The following S100PBP variants were observed in gnomAD, a reference collection of about 807,000 sequenced individuals.
S100PBP encodes the protein S100P binding protein.
S100PBP carries 15 observed loss-of-function variants against 39.9 expected under a neutral mutation model. The observed-to-expected ratio is 0.38, with a 90% confidence interval of 0.25 to 0.58. S100PBP has a LOEUF of 0.58. S100PBP is among the 20% of genes least tolerant of loss of function. S100PBP has a pLI of 0.70. For missense variants in S100PBP, 504 were observed against 487.3 expected, an observed-to-expected ratio of 1.03 and a Z score of -0.32; for synonymous variants, 178 against 180.3, an observed-to-expected ratio of 0.99 and a Z score of 0.10.
chr1:32,817,387 G>T, upstream of S100PBP: 1 of 1,029,790 alleles, frequency 9.7e-7, no homozygotes, highest in Non-Finnish European at 1.5e-6. Flanking sequence ...ACTCGGCCTG[G>T]ACCCCTCCGG....
At chr1:32,832,988 T>A (rs1185261656) in intron 5 of S100PBP, among the ~76,000 whole-genome samples, 1 of 152,044 alleles carries the variant, frequency 6.6e-6, no homozygotes, top group Non-Finnish European at 1.5e-5. Flanking sequence ...CCCATGGGTT[T>A]TTTTTTTATA....
upstream of S100PBP, chr1:32,817,317 T>G: frequency 2.5e-6 from 4 of 1,586,808 alleles, no homozygotes; most frequent in Admixed American, 3.3e-5. Flanking sequence ...CGCCGCCGCG[T>G]GCCGGGAACT....
intron 5 of S100PBP, among the ~76,000 whole-genome samples, chr1:32,843,538 C>T (rs1039949355): frequency 1.3e-5 from 2 of 151,808 alleles, no homozygotes; most frequent in African/African-American, 2.4e-5. Context: ...CTCACGAAAA[C>T]CTCCGCCTTC....
chr1:32,858,482 T>C lies in S100PBP; in HGVS notation c.*2444T>C, dbSNP rs1316999580. The C allele has an allele frequency of 1.3e-5, 2 of 152,598 alleles. No individual in the cohort carries two copies. The highest frequency in any genetic ancestry group is 2.9e-5 in the Non-Finnish European group (2 of 68,024). 9.5% of individuals were successfully genotyped at this position (152,598 alleles called of 1,614,324 possible). ...TTATCTGGCATGTTCGCCTTAAAGATGGTACTGGGTAGAATCTGGAGTTTT... is the reference window on the plus strand; with the variant it reads ...TTATCTGGCATGTTCGCCTTAAAGACGGTACTGGGTAGAATCTGGAGTTTT... On this transcript the variant is annotated 3_prime_UTR_variant, in exon 7 of 7. Transcript: ENST00000373475.
rs1640825192 is a variant in S100PBP at position 32,856,535 on chromosome 1, G to A, written c.*497G>A. On this transcript the variant is annotated 3_prime_UTR_variant, in exon 7 of 7. Coordinates refer to ENST00000373475, the MANE Select transcript of S100PBP (RefSeq NM_022753.4). ...TCTTACTTTTTTATTTGAATCCTCTGAATACCTGTCAGTATTTTAAAGTTG... is the reference window on the plus strand; with the variant it reads ...TCTTACTTTTTTATTTGAATCCTCTAAATACCTGTCAGTATTTTAAAGTTG... The A allele has an allele frequency of 6.5e-6, 1 of 152,988 alleles. No homozygotes were observed. The highest frequency in any genetic ancestry group is 2.4e-5 in the African/African-American group (1 of 41,450). 9.5% of individuals were successfully genotyped at this position (152,988 alleles called of 1,614,324 possible). A position where few individuals can be genotyped will look rare whatever the true frequency, so the allele number is the denominator to read the frequency against.
chr1:32,852,146 C>G (rs1432511071), intron 5 of S100PBP, among the ~76,000 whole-genome samples: 3 of 152,018 alleles, frequency 2.0e-5, no homozygotes, highest in Non-Finnish European at 2.9e-5. Flanking sequence ...AACCCCATCT[C>G]TACTAAAAAT....
At chr1:32,818,420 G>A (rs1230923556) in intron 1 of S100PBP, 4 of 152,410 alleles carry the variant, frequency 2.6e-5, no homozygotes, top group Non-Finnish European at 5.9e-5. Flanking sequence ...CAGGGCAAGA[G>A]GGAAAGCAGT....
chr1:32,834,525 G>C (rs1032233521), intron 5 of S100PBP, among the ~76,000 whole-genome samples: 1 of 152,212 alleles, frequency 6.6e-6, no homozygotes, highest in East Asian at 1.9e-4. Context: ...TTTTGGCAGG[G>C]ATAATTCCTA....
In S100PBP at chr1:32,857,236, G is replaced by T. The variant is rs1299416522; in HGVS notation, c.*1198G>T. The T allele has an allele frequency of 6.6e-6, 1 of 152,170 alleles. No individual in the cohort carries two copies. The highest frequency in any genetic ancestry group is 1.9e-4 in the East Asian group (1 of 5,194). 9.4% of individuals were successfully genotyped at this position (152,170 alleles called of 1,614,324 possible). Reference sequence around the variant, plus strand: ...CAGCCTATGCACAAAAGCATTACCTGATCTTAAGGTTTGGTATTCTAACCA... The same window carrying T: ...CAGCCTATGCACAAAAGCATTACCTTATCTTAAGGTTTGGTATTCTAACCA... On this transcript the variant is annotated 3_prime_UTR_variant, in exon 7 of 7. Coordinates refer to ENST00000373475, the MANE Select transcript of S100PBP (RefSeq NM_022753.4).
chr1:32,850,735 T>A (rs1640574448), intron 5 of S100PBP, among the ~76,000 whole-genome samples: 1 of 152,262 alleles, frequency 6.6e-6, no homozygotes, highest in Admixed American at 6.5e-5. Flanking sequence ...CAATTATGTT[T>A]CATTTGGTCG....
chr1:32,820,988 A>G (rs1456003058), intron 1 of S100PBP, among the ~76,000 whole-genome samples: 1 of 143,968 alleles, frequency 6.9e-6, no homozygotes, highest in Non-Finnish European at 1.5e-5. Context: ...AAAAATAACA[A>G]TAATTTAACA....
chr1:32,856,144 T>C lies in S100PBP; in HGVS notation c.*106T>C. The C allele has an allele frequency of 1.5e-6, 1 of 685,772 alleles. No individual in the cohort carries two copies. The highest frequency in any genetic ancestry group is 2.4e-6 in the Non-Finnish European group (1 of 421,818). The allele number at this position is 685,772 out of a possible 1,614,324, so 42.5% of individuals were successfully genotyped here. A position where few individuals can be genotyped will look rare whatever the true frequency, so the allele number is the denominator to read the frequency against. On this transcript the variant is annotated 3_prime_UTR_variant, in exon 7 of 7. Transcript: ENST00000373475. Reference sequence around the variant, plus strand: ...TGCTTTGCCGATTTTGGATTTTATTTTTCACAAAATTTTTATTTAAAAAAC... The same window carrying C: ...TGCTTTGCCGATTTTGGATTTTATTCTTCACAAAATTTTTATTTAAAAAAC...
In S100PBP at chr1:32,826,671, G is replaced by A. The variant is rs151166125; in HGVS notation, c.572G>A (p.Ser191Asn). The change falls in exon 3 of 7, where the codon AGC becomes AAC. Residue 191 changes from serine (S) to asparagine (N), a missense_variant. Coordinates refer to ENST00000373475, the MANE Select transcript of S100PBP (RefSeq NM_022753.4). Reference sequence around the variant, plus strand: ...GAAGATGGTCTTAGCCCAAATGAAAGCAAACTTTGTACTGAATCTGAAGGG... The same window carrying A: ...GAAGATGGTCTTAGCCCAAATGAAAACAAACTTTGTACTGAATCTGAAGGG... ...MREDGLSPNESKLCTESEGIS... is the reference protein window; with the variant it reads ...MREDGLSPNENKLCTESEGIS... 6.4e-5 allele frequency: 103 copies of A among 1,614,052 alleles called. No homozygotes were observed. The highest frequency in any genetic ancestry group is 8.1e-5 in the Non-Finnish European group (96 of 1,180,032).
intron 1 of S100PBP, among the ~76,000 whole-genome samples, chr1:32,822,182 A>G (rs894085148): frequency 6.6e-6 from 1 of 152,180 alleles, no homozygotes; most frequent in African/African-American, 2.4e-5. Context: ...ACAATCTGGT[A>G]AAGGTGGGAA....
At chr1:32,850,723 G>C (rs181692531) in intron 5 of S100PBP, among the ~76,000 whole-genome samples, 2 of 152,138 alleles carry the variant, frequency 1.3e-5, no homozygotes, top group Admixed American at 1.3e-4. Context: ...TTTTCATTTT[G>C]TCAATTATGT....
At chr1:32,827,772 C>T (rs1557487909) in intron 3 of S100PBP, among the ~76,000 whole-genome samples, 3 of 143,870 alleles carry the variant, frequency 2.1e-5, no homozygotes, top group African/African-American at 7.8e-5. Flanking sequence ...TGAGCCACTA[C>T]ACCTGGCCAG....
In S100PBP at chr1:32,825,409, T is replaced by C. The variant is rs1455176864; in HGVS notation, c.-23T>C. On this transcript the variant is annotated 5_prime_UTR_variant, in exon 2 of 7. Coordinates refer to ENST00000373475, the MANE Select transcript of S100PBP (RefSeq NM_022753.4). ...TTTGGTCTCGTGGCAAAGGCAGAGA[T>C]TGCTCCAGCAGCTCCACACAGTATG... is the stretch of plus-strand genomic sequence containing the variant. The C allele has an allele frequency of 6.6e-6, 1 of 152,248 alleles. No homozygotes were observed. Among genetic ancestry groups the C allele is most frequent in the Non-Finnish European group, 1.5e-5 (1 of 68,046 alleles). 9.4% of individuals were successfully genotyped at this position (152,248 alleles called of 1,614,324 possible).
At chr1:32,853,326 T>C (rs538944470) in intron 6 of S100PBP, among the ~76,000 whole-genome samples, 160 bp downstream of exon 6, 1 of 145,790 alleles carries the variant, frequency 6.9e-6, no homozygotes, top group African/African-American at 2.5e-5. Context: ...ATACAAAAAT[T>C]AGCTGGGTGT....
chr1:32,819,900 A>G (rs145969317), intron 1 of S100PBP, among the ~76,000 whole-genome samples: 1 of 152,200 alleles, frequency 6.6e-6, no homozygotes, highest in East Asian at 1.9e-4. Flanking sequence ...TCTCATCTGT[A>G]TTGAAGTTCA....
Sources: gnomAD v4.1 joint callset for allele counts (sites outside exome capture counted in the v4.1 genomes callset) on GRCh38, gnomAD v4.1.1 for gene constraint, MANE v1.5 for transcripts, NCBI Gene and HGNC (gene_info 2026-07-23, HGNC 2026-07-21) for gene names.